Variants in PPP1CB observed in about 807,000 individuals in gnomAD.
The protein encoded by PPP1CB is protein phosphatase 1 catalytic subunit beta, also known as serine/threonine-protein phosphatase PP1-beta catalytic subunit.
Under a neutral mutation model 43.7 loss-of-function variants are expected in PPP1CB, and 2 were observed. That is an observed-to-expected ratio of 0.05 (90% CI 0.02 to 0.14). The LOEUF (loss-of-function observed/expected upper bound fraction) is 0.14. Ranked by LOEUF, PPP1CB falls within the 10% of genes least tolerant of loss-of-function variation. The probability of loss-of-function intolerance (pLI) is 1.00; values close to 1 mark genes in which losing one functional copy is unlikely to be tolerated. For synonymous variants in PPP1CB, 136 were observed against 135.6 expected, an observed-to-expected ratio of 1.00 and a Z score of -0.02; for missense variants, 84 against 398.0, an observed-to-expected ratio of 0.21 and a Z score of 6.71.
At chr2:28,771,042 C>CA (rs1223787794) in intron 1 of PPP1CB, among the ~76,000 whole-genome samples, 2 of 28,132 alleles carry the variant, frequency 7.1e-5, no homozygotes, top group African/African-American at 1.6e-4. Flanking sequence ...TTCCCTGCTC[C>CA]CCCCCCCCCA....
chr2:28,762,863 G>A (rs894038055), intron 1 of PPP1CB, among the ~76,000 whole-genome samples: 3 of 152,228 alleles, frequency 2.0e-5, no homozygotes, highest in African/African-American at 7.2e-5. Flanking sequence ...CATCAGAAGA[G>A]TCCTTAATTA....
chr2:28,776,505 C>T (rs1276206229), intron 1 of PPP1CB, among the ~76,000 whole-genome samples: 2 of 152,050 alleles, frequency 1.3e-5, no homozygotes, highest in Non-Finnish European at 2.9e-5. Context: ...GGTGATCCAC[C>T]CACCTCAACC....
At chr2:28,784,901 CAG>C (rs1233424938) in intron 5 of PPP1CB, among the ~76,000 whole-genome samples, 1 of 104,728 alleles carries the variant, frequency 9.5e-6, no homozygotes, top group Non-Finnish European at 1.8e-5. Flanking sequence ...GCCTGGGTGA[CAG>C]AGTGAAACTG....
intron 2 of PPP1CB, among the ~76,000 whole-genome samples, chr2:28,777,548 A>C (rs1460787246): frequency 6.6e-6 from 1 of 152,190 alleles, no homozygotes; most frequent in Non-Finnish European, 1.5e-5. Flanking sequence ...ATACTACTTT[A>C]TACCTTGTAT....
rs769650329 is a variant in PPP1CB at position 28,785,065 on chromosome 2, C to CTTTTTTTTTTTTTTTTTTTTTTTT, written c.592+1092_592+1115dup. On this transcript the variant is annotated intron_variant, in intron 5 of 7. Transcript: ENST00000395366. ...ATGTTGTAATAAATTGTGTTAGGAG[C>CTTTTTTTTTTTTTTTTTTTTTTTT]TTTTTTTTTTTTTTTTTTTTTTTTT... Among the ~76,000 whole-genome samples, 30 of 54,996 alleles carry CTTTTTTTTTTTTTTTTTTTTTTTT rather than the reference C, an allele frequency of 5.5e-4. 7 individuals carry two copies. Among genetic ancestry groups the CTTTTTTTTTTTTTTTTTTTTTTTT allele is most frequent in the Non-Finnish European group, 6.3e-4 (18 of 28,692 alleles). The allele number at this position is 54,996 out of a possible 152,430, so 36.1% of individuals were successfully genotyped here.
intron 1 of PPP1CB, among the ~76,000 whole-genome samples, chr2:28,774,036 T>C (rs1666973230): frequency 6.6e-6 from 1 of 152,222 alleles, no homozygotes; most frequent in Non-Finnish European, 1.5e-5. Flanking sequence ...TTCTGTGCAG[T>C]GTGTTTTTGG....
Position 28,752,067 on chromosome 2 carries a change from C to G in PPP1CB, c.-58C>G. 1.3e-6 allele frequency: 2 copies of G among 1,521,092 alleles called. No homozygotes were observed. Among genetic ancestry groups the G allele is most frequent in the Non-Finnish European group, 8.9e-7 (1 of 1,120,050 alleles). 94.2% of individuals were successfully genotyped at this position (1,521,092 alleles called of 1,614,324 possible). A position where few individuals can be genotyped will look rare whatever the true frequency, so the allele number is the denominator to read the frequency against. ...GAGAACGCCGAGCCGTCGCCGCAGCCTCCGCCGCCGAGAAGCCCTTGTTCC... is the reference window on the plus strand; with the variant it reads ...GAGAACGCCGAGCCGTCGCCGCAGCGTCCGCCGCCGAGAAGCCCTTGTTCC... On this transcript the variant is annotated 5_prime_UTR_variant, in exon 1 of 8. Transcript: ENST00000395366.
chr2:28,781,382 C>T (rs1172306026), intron 3 of PPP1CB, among the ~76,000 whole-genome samples: 3 of 152,048 alleles, frequency 2.0e-5, no homozygotes, highest in South Asian at 2.1e-4. Flanking sequence ...TAGCATTTTA[C>T]AAAGATACAA....
chr2:28,763,859 C>T (rs1666717571), intron 1 of PPP1CB, among the ~76,000 whole-genome samples: 3 of 152,086 alleles, frequency 2.0e-5, no homozygotes, highest in African/African-American at 7.2e-5. Flanking sequence ...GTGCGCGCCA[C>T]CACACCTGGC....
rs1028887563 is a variant in PPP1CB, at chr2:28,802,395, C to G, written c.*3092C>G. Reference sequence around the variant, plus strand: ...ATTTGCTGTTGCTCCCTAACCAAATCCACCTCTTGTTTTCCTTGTGAGTCC... The same window carrying G: ...ATTTGCTGTTGCTCCCTAACCAAATGCACCTCTTGTTTTCCTTGTGAGTCC... On this transcript the variant is annotated 3_prime_UTR_variant, in exon 8 of 8. Coordinates refer to ENST00000395366, the MANE Select transcript of PPP1CB (RefSeq NM_002709.3). 6 of 152,178 alleles carry G rather than the reference C, an allele frequency of 3.9e-5. No homozygotes were observed. Among genetic ancestry groups the G allele is most frequent in the African/African-American group, 1.4e-4 (6 of 41,428 alleles). The allele number at this position is 152,178 out of a possible 1,614,324, so 9.4% of individuals were successfully genotyped here. A position where few individuals can be genotyped will look rare whatever the true frequency, so the allele number is the denominator to read the frequency against.
At chr2:28,764,188 T>C (rs1035276743) in intron 1 of PPP1CB, among the ~76,000 whole-genome samples, 2 of 151,750 alleles carry the variant, frequency 1.3e-5, no homozygotes, top group Non-Finnish European at 2.9e-5. Context: ...GGGCTGGACG[T>C]GGTGGCTCAC....
At chr2:28,763,576 T>G (rs1430345990) in intron 1 of PPP1CB, among the ~76,000 whole-genome samples, 1 of 152,244 alleles carries the variant, frequency 6.6e-6, no homozygotes, top group Non-Finnish European at 1.5e-5. Flanking sequence ...GACTTTTTAC[T>G]TATGCTTTGT....
At chr2:28,766,191 T>A (rs1356271277) in intron 1 of PPP1CB, among the ~76,000 whole-genome samples, 1 of 152,156 alleles carries the variant, frequency 6.6e-6, no homozygotes, top group East Asian at 1.9e-4. Context: ...TTAGAAAAAA[T>A]TCAGTATCAG....
At chr2:28,786,568 G>C (rs986797527) in intron 5 of PPP1CB, among the ~76,000 whole-genome samples, 1 of 151,868 alleles carries the variant, frequency 6.6e-6, no homozygotes, top group East Asian at 1.9e-4. Context: ...TGAAATTATA[G>C]ATTCTTGAGA....
intron 1 of PPP1CB, among the ~76,000 whole-genome samples, chr2:28,765,982 T>G (rs1272485542): frequency 1.3e-5 from 2 of 152,224 alleles, no homozygotes; most frequent in Non-Finnish European, 2.9e-5. Flanking sequence ...CTTACCACAA[T>G]GGAAGTTTCT....
intron 7 of PPP1CB, among the ~76,000 whole-genome samples, chr2:28,796,031 AT>A (rs1488926508): frequency 6.6e-6 from 1 of 152,162 alleles, no homozygotes; most frequent in Non-Finnish European, 1.5e-5. Flanking sequence ...TCTTAGCACC[AT>A]TTATCAAATA....
intron 1 of PPP1CB, among the ~76,000 whole-genome samples, chr2:28,760,987 G>A (rs1331109358): frequency 1.1e-4 from 16 of 152,208 alleles, no homozygotes; most frequent in East Asian, 5.8e-4. Flanking sequence ...TGCAGCCTCC[G>A]CCTCCTGGGT....
chr2:28,782,788 T>C (rs1184038813), intron 4 of PPP1CB: 6 of 152,216 alleles, frequency 3.9e-5, no homozygotes, highest in African/African-American at 1.2e-4. Flanking sequence ...GTAAGAAAAT[T>C]AGTTTTTCAT....
At position 28,799,981 on chromosome 2, in the gene PPP1CB, A is replaced by G. The variant is rs892049373; in HGVS notation, c.*678A>G. 1 of 152,430 alleles carries G rather than the reference A, an allele frequency of 6.6e-6. No individual in the cohort carries two copies. Among genetic ancestry groups the G allele is most frequent in the Non-Finnish European group, 1.5e-5 (1 of 67,934 alleles). 9.4% of individuals were successfully genotyped at this position (152,430 alleles called of 1,614,324 possible). On this transcript the variant is annotated 3_prime_UTR_variant, in exon 8 of 8. Coordinates refer to ENST00000395366, the MANE Select transcript of PPP1CB (RefSeq NM_002709.3). ...GCAAACTTTACAGCTGATAGTGAAT[A>G]TTTTGCTTTATACAGGAATTGACAC...
Sources: gnomAD v4.1 joint callset for allele counts (sites outside exome capture counted in the v4.1 genomes callset) on GRCh38, gnomAD v4.1.1 for gene constraint, MANE v1.5 for transcripts, NCBI Gene and HGNC (gene_info 2026-07-23, HGNC 2026-07-21) for gene names.